The following PDE4D variants were observed in gnomAD, a reference collection of about 807,000 sequenced individuals.
The protein encoded by PDE4D is phosphodiesterase 4D.
In PDE4D, 24 loss-of-function variants were observed where a neutral mutation model predicts 87.4. The observed-to-expected ratio is 0.27, with a 90% CI of 0.20 to 0.39. The LOEUF (loss-of-function observed/expected upper bound fraction) is 0.39, where lower values mean the gene tolerates loss of function less well. PDE4D is among the 10% of genes least tolerant of loss of function. The probability of loss-of-function intolerance (pLI) is 1.00; values close to 1 mark genes in which losing one functional copy is unlikely to be tolerated. For synonymous variants in PDE4D, 384 were observed against 383.2 expected (o/e 1.00, Z -0.02); for missense variants, 714 against 1,041.0 (o/e 0.69, Z 4.32).
intron 1 of PDE4D, among the ~76,000 whole-genome samples, chr5:59,312,758 G>C (rs1343553667): frequency 6.6e-6 from 1 of 152,140 alleles, no homozygotes; most frequent in Non-Finnish European, 1.5e-5. Context: ...TTATAACTGA[G>C]ATCTGGACAA....
At chr5:60,026,752 C>T (rs1413527593) in intron 2 of PDE4D, among the ~76,000 whole-genome samples, 7 of 152,158 alleles carry the variant, frequency 4.6e-5, no homozygotes, top group Admixed American at 3.3e-4. Flanking sequence ...TAAATCAGAT[C>T]GTTTAATCTT....
In PDE4D at chr5:59,012,873, G is replaced by A. The variant is rs773027127; in HGVS notation, c.922-19408C>T. On this transcript the variant is annotated intron_variant, in intron 6 of 14. Transcript: ENST00000340635. ...ACATTCTTCTCAGCACCACATCACA[G>A]TTATTCCAAAACTGACCACATAGTT... 3.9e-5 allele frequency among the ~76,000 whole-genome samples: 6 copies of A among 152,200 alleles called. No homozygotes were observed. The East Asian group carries it at 1.2e-3, about 29-fold the overall frequency.
chr5:60,103,883 A>C (rs1671461137), intron 2 of PDE4D, among the ~76,000 whole-genome samples: 2 of 152,234 alleles, frequency 1.3e-5, no homozygotes, highest in Non-Finnish European at 2.9e-5. Context: ...GGAAGAGACA[A>C]GATGGACAAA....
intron 1 of PDE4D, among the ~76,000 whole-genome samples, chr5:59,646,960 G>A (rs1468564678): frequency 8.6e-5 from 13 of 151,988 alleles, no homozygotes; most frequent in Admixed American, 6.6e-4. Flanking sequence ...GCTTGAACCC[G>A]GGAGGTGGAG....
At chr5:59,027,090 A>G (rs1756380835) in intron 6 of PDE4D, among the ~76,000 whole-genome samples, 1 of 152,136 alleles carries the variant, frequency 6.6e-6, no homozygotes, top group African/African-American at 2.4e-5. Context: ...TAGGTATCTC[A>G]GGTTTTCCTT....
At chr5:60,241,820 C>G (rs78947370) in intron 1 of PDE4D, among the ~76,000 whole-genome samples, 3,235 of 152,028 alleles carry the variant, frequency 0.021, 101 homozygotes, top group African/African-American at 0.074. Context: ...TATAGAACAC[C>G]AAGCAGATTT....
rs528468576 is a variant in PDE4D, at chr5:60,391,246, C to T, written c.-90+96696G>A. Among the ~76,000 whole-genome samples the T allele has an allele frequency of 1.3e-4, 20 of 152,312 alleles. No individual in the cohort carries two copies. The South Asian group carries it at 3.9e-3, about 30-fold the overall frequency. On this transcript the variant is annotated intron_variant, in intron 1 of 16. Transcript: ENST00000502484. The stretch of plus-strand genomic sequence containing the variant: ...ATTGATCTAACCTATAACATCCCCA[C>T]ATGGTGATCACAGGGGGCTCCCAGT...
intron 5 of PDE4D, among the ~76,000 whole-genome samples, chr5:59,128,428 A>C (rs10036199): frequency 0.11 from 16,219 of 152,262 alleles, 1,107 homozygotes; most frequent in Non-Finnish European, 0.15. Context: ...CAAAAGCTGA[A>C]TTCACAAGGG....
chr5:59,380,971 G>T (rs1785699055), intron 1 of PDE4D, among the ~76,000 whole-genome samples: 1 of 152,114 alleles, frequency 6.6e-6, no homozygotes, highest in African/African-American at 2.4e-5. Flanking sequence ...CAGCAGAGTT[G>T]AGTAGTTACT....
At chr5:59,786,588 T>C (rs1765199712) in intron 1 of PDE4D, among the ~76,000 whole-genome samples, 1 of 152,202 alleles carries the variant, frequency 6.6e-6, no homozygotes, top group African/African-American at 2.4e-5. Flanking sequence ...AAATAACCTT[T>C]TTAACAGGGA....
intron 2 of PDE4D, among the ~76,000 whole-genome samples, chr5:60,073,598 G>A (rs1397885046): frequency 6.6e-6 from 1 of 151,248 alleles, no homozygotes; most frequent in Non-Finnish European, 1.5e-5. Context: ...AATGATTCCA[G>A]CTCTTCTTTG....
At chr5:59,298,628 T>G (rs944540453) in intron 1 of PDE4D, among the ~76,000 whole-genome samples, 2 of 152,214 alleles carry the variant, frequency 1.3e-5, no homozygotes, top group Non-Finnish European at 2.9e-5. Context: ...GAAACACAAT[T>G]GTTTTGCAAG....
intron 1 of PDE4D, among the ~76,000 whole-genome samples, chr5:60,415,426 G>A (rs1008859424): frequency 6.6e-5 from 10 of 152,258 alleles, no homozygotes; most frequent in African/African-American, 9.6e-5. Flanking sequence ...GGCCGGAGCC[G>A]GCGCCCTCAG....
intron 5 of PDE4D, among the ~76,000 whole-genome samples, chr5:59,068,042 C>T (rs1764196955): frequency 6.6e-6 from 1 of 152,056 alleles, no homozygotes; most frequent in Admixed American, 6.6e-5. Context: ...CTTGAAGTGA[C>T]AAAACATGAA....
chr5:60,304,172 G>A (rs1014682112), intron 1 of PDE4D: 1 of 152,084 alleles, frequency 6.6e-6, no homozygotes, highest in Non-Finnish European at 1.5e-5. Flanking sequence ...TTCTTTATTG[G>A]ATAAAAGGGA....
intron 1 of PDE4D, among the ~76,000 whole-genome samples, chr5:59,627,910 C>T (rs1831086272): frequency 6.6e-6 from 1 of 152,140 alleles, no homozygotes; most frequent in East Asian, 1.9e-4. Context: ...CTTGTACCTG[C>T]ACCCATATTT....
intron 1 of PDE4D, among the ~76,000 whole-genome samples, chr5:59,694,582 C>T (rs1319977574): frequency 6.6e-6 from 1 of 152,128 alleles, no homozygotes; most frequent in African/African-American, 2.4e-5. Context: ...GGGATTACAG[C>T]AATATGTTGT....
chr5:59,049,868 C>T (rs529462531), intron 5 of PDE4D, among the ~76,000 whole-genome samples: 101 of 152,256 alleles, frequency 6.6e-4, no homozygotes, highest in Non-Finnish European at 1.3e-3. Context: ...TTAACTTTCT[C>T]ATAAATCTCT....
chr5:59,513,815 A>G lies in PDE4D; in HGVS notation c.456-297847T>C, dbSNP rs115603444. On this transcript the variant is annotated intron_variant, in intron 1 of 14. Coordinates refer to ENST00000340635, the MANE Select transcript of PDE4D (RefSeq NM_001104631.2). The stretch of plus-strand genomic sequence containing the variant: ...TGGACCACAGGATTTCATGAAGGAT[A>G]ATGACAGTCTTTCCCATGTTTCTGA... Among the ~76,000 whole-genome samples, 669 of 152,332 alleles carry G rather than the reference A, an allele frequency of 4.4e-3. 3 individuals are homozygous for G. The highest frequency in any genetic ancestry group is 0.015 in the African/African-American group (617 of 41,588).
Sources: gnomAD v4.1 joint callset for allele counts (sites outside exome capture counted in the v4.1 genomes callset) on GRCh38, gnomAD v4.1.1 for gene constraint, MANE v1.5 for transcripts, NCBI Gene and HGNC (gene_info 2026-07-23, HGNC 2026-07-21) for gene names.